Variants in YJU2 observed in about 807,000 individuals in gnomAD.
YJU2 encodes splicing factor YJU2.
A neutral mutation model predicts 39.6 loss-of-function variants in YJU2; 28 were observed. The observed-to-expected ratio is 0.71, with a 90% CI of 0.52 to 0.97. YJU2 has a LOEUF of 0.97. Among genes scored for constraint, YJU2 ranks in the 50% least tolerant of loss-of-function variants. The pLI is 0.00. For missense variants in YJU2, 328 were observed against 430.4 expected (o/e 0.76, Z 2.11); for synonymous variants, 184 against 182.4 (o/e 1.01, Z -0.07).
At chr19:4,250,974 C>G (rs1280373511) in intron 2 of YJU2, 53 bp from the exon 3 acceptor site, 35 of 1,586,824 alleles carry the variant, frequency 2.2e-5, no homozygotes, top group Admixed American at 3.4e-5. Flanking sequence ...GACAGCCTGC[C>G]AGTGGGAGCC....
At chr19:4,250,919 C>A in intron 2 of YJU2, 108 bp from the exon 3 acceptor site, 1 of 1,265,326 alleles carries the variant, frequency 7.9e-7, no homozygotes. Flanking sequence ...GGGAGCTCCC[C>A]GTTGCTGGAG....
At chr19:4,250,320 C>T (rs907131244) in intron 2 of YJU2, among the ~76,000 whole-genome samples, 2 of 152,126 alleles carry the variant, frequency 1.3e-5, no homozygotes, top group Admixed American at 6.6e-5. Flanking sequence ...TTATTGGGCA[C>T]CTGCTGTGTG....
At chr19:4,255,323 C>T (rs1400366668) in intron 4 of YJU2, among the ~76,000 whole-genome samples, 1 of 152,132 alleles carries the variant, frequency 6.6e-6, no homozygotes, top group Non-Finnish European at 1.5e-5. Flanking sequence ...GTGGCTTGAA[C>T]CTGTAGTCCC....
intron 5 of YJU2, among the ~76,000 whole-genome samples, chr19:4,261,424 G>A (rs1457576946): frequency 6.6e-6 from 1 of 152,096 alleles, no homozygotes; most frequent in African/African-American, 2.4e-5. Flanking sequence ...CCAGGAGGCG[G>A]AGGTTGCAGT....
rs370538290 is a variant in YJU2 at position 4,268,740 on chromosome 19, C to A, written c.*44C>A. 2.1e-6 allele frequency: 3 copies of A among 1,399,256 alleles called. No homozygotes were observed. Among genetic ancestry groups the A allele is most frequent in the Non-Finnish European group, 3.0e-6 (3 of 999,006 alleles). 86.7% of individuals were successfully genotyped at this position (1,399,256 alleles called of 1,614,324 possible). A position where few individuals can be genotyped will look rare whatever the true frequency, so the allele number is the denominator to read the frequency against. On this transcript the variant is annotated 3_prime_UTR_variant, in exon 8 of 8. Coordinates refer to ENST00000262962, the MANE Select transcript of YJU2 (RefSeq NM_018074.6). The stretch of plus-strand genomic sequence containing the variant: ...CACGGGGTCAAAGTCACACGTCCAG[C>A]TTCAGCCACATTGAGGCCAGCATTG...
chr19:4,258,854 C>T (rs1168583459), intron 5 of YJU2, among the ~76,000 whole-genome samples: 1 of 152,114 alleles, frequency 6.6e-6, no homozygotes, highest in Admixed American at 6.6e-5. Context: ...GGTCCCACAG[C>T]CCCCGCTGCC....
chr19:4,254,130 G>A (rs10405644), intron 3 of YJU2, among the ~76,000 whole-genome samples: 3,072 of 152,256 alleles, frequency 0.02, 67 homozygotes, highest in African/African-American at 0.052. Context: ...GTGGGCAGAT[G>A]AGAAGAGTCT....
Position 4,264,261 on chromosome 19 carries a change from CAAAAAAAAAAA to C in YJU2, c.708+2162_708+2172del, listed in dbSNP as rs748910280. ...TGGGCGACAGAGCGAGACTCTGTCT[CAAAAAAAAAAA>C]AAAAAAAAAAAAAAGAAACGATTGT... On this transcript the variant is annotated intron_variant, in intron 6 of 7. Transcript: ENST00000262962. Among the ~76,000 whole-genome samples the C allele has an allele frequency of 1.4e-4, 6 of 43,950 alleles. No individual in the cohort carries two copies. The South Asian group carries it at 3.7e-3, about 27-fold the overall frequency. 28.8% of individuals were successfully genotyped at this position (43,950 alleles called of 152,430 possible). A position where few individuals can be genotyped will look rare whatever the true frequency, so the allele number is the denominator to read the frequency against.
At chr19:4,264,261 C>CA (rs748910280) in intron 6 of YJU2, among the ~76,000 whole-genome samples, 16,376 of 43,844 alleles carry the variant, frequency 0.37, 3,976 homozygotes, top group African/African-American at 0.5. Flanking sequence ...GACTCTGTCT[C>CA]AAAAAAAAAA....
chr19:4,268,246 G>A (rs1338167653), intron 7 of YJU2, among the ~76,000 whole-genome samples: 1 of 152,192 alleles, frequency 6.6e-6, no homozygotes, highest in Non-Finnish European at 1.5e-5. Flanking sequence ...CGCCCGGCCT[G>A]TTTTTGTCTT....
In YJU2 at chr19:4,247,644, T is replaced by TG. The variant is rs1970939460; in HGVS notation, c.24+475dup. Among the ~76,000 whole-genome samples, 14 of 54,726 alleles carry TG rather than the reference T, an allele frequency of 2.6e-4. 1 individual carries two copies. The highest frequency in any genetic ancestry group is 0.01 in the Middle Eastern group (1 of 98). The allele number at this position is 54,726 out of a possible 152,430, so 35.9% of individuals were successfully genotyped here. A position where few individuals can be genotyped will look rare whatever the true frequency, so the allele number is the denominator to read the frequency against. On this transcript the variant is annotated intron_variant, in intron 1 of 7. Transcript: ENST00000262962. ...GTGTGTGTGTGTGTGTGTGTGTGTGTGTGTGTGTGTGTGTGTGTGTGTGTG... is the reference window on the plus strand; with the variant it reads ...GTGTGTGTGTGTGTGTGTGTGTGTGTGGTGTGTGTGTGTGTGTGTGTGTGTG...
chr19:4,247,382 GTAGT>G (rs897710605), intron 1 of YJU2: 5 of 527,268 alleles, frequency 9.5e-6, no homozygotes, highest in South Asian at 2.5e-5. Flanking sequence ...GGGCTGGGGT[GTAGT>G]TAGTCACCTG....
chr19:4,254,700 A>G (rs1475337990), intron 4 of YJU2, among the ~76,000 whole-genome samples: 1 of 151,280 alleles, frequency 6.6e-6, no homozygotes. Context: ...CGGGAGGATC[A>G]CTTGAGGTCA....
intron 1 of YJU2, among the ~76,000 whole-genome samples, chr19:4,247,577 T>G (rs1401770176): frequency 7.1e-4 from 29 of 40,946 alleles, no homozygotes; most frequent in African/African-American, 2.1e-3. Context: ...TGGGGTGGGG[T>G]GGCGCGTGTG....
chr19:4,262,171 C>T, intron 6 of YJU2, 57 bp downstream of exon 6: 1 of 1,520,144 alleles, frequency 6.6e-7, no homozygotes, highest in African/African-American at 1.4e-5. Context: ...CAACTGAAGC[C>T]AGGGGTCAGC....
intron 4 of YJU2, among the ~76,000 whole-genome samples, chr19:4,257,701 T>C (rs181133760): frequency 1.3e-5 from 2 of 152,158 alleles, no homozygotes; most frequent in Admixed American, 1.3e-4. Flanking sequence ...CTTGAACTCC[T>C]GACCTCAAGT....
At chr19:4,256,518 C>T (rs1971022741) in intron 4 of YJU2, among the ~76,000 whole-genome samples, 2 of 152,166 alleles carry the variant, frequency 1.3e-5, no homozygotes, top group South Asian at 4.1e-4. Context: ...GCAAGGGGCT[C>T]TTACCCTGGT....
At chr19:4,267,602 C>A (rs764794771) in intron 6 of YJU2, 22 bp from the exon 7 acceptor site, 2 of 1,609,350 alleles carry the variant, frequency 1.2e-6, no homozygotes, top group East Asian at 4.5e-5. Context: ...CAGACCCCCA[C>A]ATGTGTCCCC....
chr19:4,248,977 C>A (rs113470940), intron 1 of YJU2, among the ~76,000 whole-genome samples: 1,656 of 152,242 alleles, frequency 0.011, 40 homozygotes, highest in African/African-American at 0.038. Flanking sequence ...GACAGCATTT[C>A]ATGTGTATTG....
Sources: allele counts gnomAD v4.1 joint callset (sites outside exome capture counted in the v4.1 genomes callset), GRCh38; gene constraint gnomAD v4.1.1; transcripts MANE v1.5; gene names NCBI Gene and HGNC (gene_info 2026-07-23, HGNC 2026-07-21).